The following GPC6 variants were observed in gnomAD, a reference collection of about 807,000 sequenced individuals.
GPC6 encodes the protein glypican-6.
Under a neutral mutation model 55.2 loss-of-function variants are expected in GPC6, and 14 were observed. That is an observed-to-expected ratio of 0.25 (90% CI 0.17 to 0.40). The LOEUF (loss-of-function observed/expected upper bound fraction) is 0.40. Ranked by LOEUF, GPC6 falls within the 10% of genes least tolerant of loss-of-function variation. GPC6 has a pLI of 1.00. For synonymous variants in GPC6, 278 were observed against 259.6 expected, an observed-to-expected ratio of 1.07 and a Z score of -0.68; for missense variants, 641 against 708.5, an observed-to-expected ratio of 0.90 and a Z score of 1.08.
In GPC6 at chr13:93,691,643, T is replaced by G. The variant is rs375887336; in HGVS notation, c.320-138511T>G. ...TATTCACACCTTCATGTTTCTGAGGTTTTTCTAACTGAATGTTTATTACAT... is the reference window on the plus strand; with the variant it reads ...TATTCACACCTTCATGTTTCTGAGGGTTTTCTAACTGAATGTTTATTACAT... On this transcript the variant is annotated intron_variant, in intron 2 of 8. Coordinates refer to ENST00000377047, the MANE Select transcript of GPC6 (RefSeq NM_005708.5). 4.3e-3 allele frequency among the ~76,000 whole-genome samples: 656 copies of G among 152,170 alleles called. 3 individuals carry two copies. Among genetic ancestry groups the G allele is most frequent in the African/African-American group, 0.014 (602 of 41,554 alleles).
At chr13:94,300,629 AAGG>A (rs1245276398) in intron 5 of GPC6, among the ~76,000 whole-genome samples, 5 of 152,326 alleles carry the variant, frequency 3.3e-5, no homozygotes, top group African/African-American at 9.6e-5. Context: ...AGCTAGGTGG[AAGG>A]AGAATTGCTT....
intron 1 of GPC6, among the ~76,000 whole-genome samples, chr13:93,537,217 G>A (rs1882097359): frequency 6.6e-6 from 1 of 152,124 alleles, no homozygotes; most frequent in Non-Finnish European, 1.5e-5. Flanking sequence ...AGGGACATTA[G>A]CAACTGTTAA....
intron 1 of GPC6, among the ~76,000 whole-genome samples, chr13:93,456,235 A>G (rs573037982): frequency 6.6e-6 from 1 of 152,288 alleles, no homozygotes; most frequent in South Asian, 2.1e-4. Context: ...TAATTAAGAG[A>G]CAACAGAACA....
At chr13:94,258,729 C>T (rs370360083) in intron 4 of GPC6, among the ~76,000 whole-genome samples, 2 of 152,090 alleles carry the variant, frequency 1.3e-5, no homozygotes, top group Admixed American at 6.5e-5. Context: ...AGGCTGGTTT[C>T]GTTGCAATAA....
intron 1 of GPC6, among the ~76,000 whole-genome samples, chr13:93,458,317 C>T (rs918350970): frequency 6.6e-6 from 1 of 152,094 alleles, no homozygotes; most frequent in Non-Finnish European, 1.5e-5. Context: ...TCCCCTAGTA[C>T]TCTTCATTGT....
intron 2 of GPC6, among the ~76,000 whole-genome samples, chr13:93,636,257 T>C (rs9584147): frequency 0.018 from 2,801 of 152,298 alleles, 72 homozygotes; most frequent in African/African-American, 0.062. Flanking sequence ...TCAGACGTCA[T>C]TGGAGTATTT....
rs57153421 is a variant in GPC6 at position 93,933,727 on chromosome 13, C to T, written c.712-94002C>T. Among the ~76,000 whole-genome samples the T allele has an allele frequency of 2.1e-3, 314 of 152,250 alleles. 2 individuals are homozygous for T. The highest frequency in any genetic ancestry group is 7.2e-3 in the African/African-American group (300 of 41,536). ...AAATAGTAATTAATTTTGTCTGTGC[C>T]TTTCCAAATGCCTTTCAAAATATAA... On this transcript the variant is annotated intron_variant, in intron 3 of 8. Transcript: ENST00000377047.
At chr13:94,026,408 G>A (rs116303626) in intron 3 of GPC6, among the ~76,000 whole-genome samples, 1 of 151,780 alleles carries the variant, frequency 6.6e-6, no homozygotes, top group South Asian at 2.1e-4. Context: ...GAATGTTCTT[G>A]TTACCTGTGA....
At chr13:93,567,031 G>A (rs952853957) in intron 2 of GPC6, among the ~76,000 whole-genome samples, 1 of 152,108 alleles carries the variant, frequency 6.6e-6, no homozygotes, top group Non-Finnish European at 1.5e-5. Context: ...CCATACGTGT[G>A]CATGTGTCTT....
chr13:93,385,146 A>G (rs1171145267), intron 1 of GPC6, among the ~76,000 whole-genome samples: 1 of 152,230 alleles, frequency 6.6e-6, no homozygotes, highest in East Asian at 1.9e-4. Context: ...AACCATGAAG[A>G]GGGAATTGGA....
At chr13:93,770,895 T>C (rs1429218094) in intron 2 of GPC6, among the ~76,000 whole-genome samples, 1 of 152,132 alleles carries the variant, frequency 6.6e-6, no homozygotes, top group Non-Finnish European at 1.5e-5. Flanking sequence ...GTTTTTTTTT[T>C]CATCCTTAGG....
At chr13:94,216,566 A>T (rs1189159631) in intron 4 of GPC6, among the ~76,000 whole-genome samples, 1 of 152,222 alleles carries the variant, frequency 6.6e-6, no homozygotes, top group East Asian at 1.9e-4. Context: ...GACACATAGA[A>T]GACTTCCAAG....
chr13:94,386,613 G>A (rs1396711874), intron 7 of GPC6, among the ~76,000 whole-genome samples: 1 of 152,046 alleles, frequency 6.6e-6, no homozygotes, highest in Non-Finnish European at 1.5e-5. Flanking sequence ...TAAAAAATAA[G>A]AAGAAATAAT....
intron 1 of GPC6, among the ~76,000 whole-genome samples, chr13:93,290,953 T>C (rs938220008): frequency 7.2e-5 from 11 of 152,158 alleles, no homozygotes; most frequent in Non-Finnish European, 1.3e-4. Flanking sequence ...TAATGGTGAT[T>C]TTTAAATGCC....
At chr13:94,129,429 T>A (rs8000295) in intron 4 of GPC6, among the ~76,000 whole-genome samples, 2,563 of 152,176 alleles carry the variant, frequency 0.017, 98 homozygotes, top group African/African-American at 0.058. Flanking sequence ...GGAGAGAAGC[T>A]GGAATATTTT....
Position 94,139,838 on chromosome 13 carries a change from C to T in GPC6, c.877+111944C>T, listed in dbSNP as rs376416181. Among the ~76,000 whole-genome samples the T allele has an allele frequency of 3.2e-3, 480 of 152,254 alleles. 22 individuals are homozygous for T. The South Asian group carries it at 0.095, about 30-fold the overall frequency. On this transcript the variant is annotated intron_variant, in intron 4 of 8. Transcript: ENST00000377047. Reference sequence around the variant, plus strand: ...CCTTAGTCATATCTGATCATTCCACCAGCTGTAGCTTCCTGGGGCTACAGT... The same window carrying T: ...CCTTAGTCATATCTGATCATTCCACTAGCTGTAGCTTCCTGGGGCTACAGT...
chr13:93,806,570 C>T (rs767356365), intron 2 of GPC6, among the ~76,000 whole-genome samples: 2 of 152,128 alleles, frequency 1.3e-5, no homozygotes, highest in Admixed American at 6.5e-5. Flanking sequence ...GAACTCCTGA[C>T]CTCAGGTGAT....
chr13:94,175,949 TATATATAGAG>T (rs1318027042), intron 4 of GPC6, among the ~76,000 whole-genome samples: 36 of 105,964 alleles, frequency 3.4e-4, no homozygotes, highest in East Asian at 1.1e-3. Flanking sequence ...TATATATATA[TATATATAGAG>T]AGAGAGAGAG....
chr13:93,936,640 A>G (rs1222153258), intron 3 of GPC6, among the ~76,000 whole-genome samples: 1 of 152,144 alleles, frequency 6.6e-6, no homozygotes, highest in Non-Finnish European at 1.5e-5. Flanking sequence ...GTTACCTGAG[A>G]AACATTTCAT....
Sources: allele counts gnomAD v4.1 joint callset (sites outside exome capture counted in the v4.1 genomes callset), GRCh38; gene constraint gnomAD v4.1.1; transcripts MANE v1.5; gene names NCBI Gene and HGNC (gene_info 2026-07-23, HGNC 2026-07-21).